The following AGMO variants were observed in gnomAD, a reference collection of about 807,000 sequenced individuals.
The protein encoded by AGMO is glyceryl-ether monooxygenase.
Under a neutral mutation model 60.2 loss-of-function variants are expected in AGMO, and 75 were observed. That is an observed-to-expected ratio of 1.25 (90% confidence interval 1.03 to 1.51). The LOEUF (loss-of-function observed/expected upper bound fraction) is 1.51. Among genes scored for constraint, AGMO ranks in the 40% most tolerant of loss-of-function variants. The pLI, the probability that AGMO is intolerant of heterozygous loss-of-function variation, is 0.00. For synonymous variants in AGMO, 261 were observed against 177.1 expected, an observed-to-expected ratio of 1.47 and a Z score of -3.76; for missense variants, 763 against 525.5, an observed-to-expected ratio of 1.45 and a Z score of -4.42.
intron 12 of AGMO, among the ~76,000 whole-genome samples, chr7:15,232,860 C>G (rs1351263183): frequency 1.3e-5 from 2 of 151,196 alleles, no homozygotes; most frequent in Admixed American, 6.6e-5. Context: ...CTGGTTTAAG[C>G]TATCACAAAA....
chr7:15,163,877 T>C, the AGMO span, among the ~76,000 whole-genome samples: 3 of 152,144 alleles, frequency 2.0e-5, no homozygotes, highest in African/African-American at 7.2e-5. Flanking sequence ...TTTGATTTTC[T>C]GAAATAGTTT....
At chr7:15,377,637 C>A (rs1184079157) in intron 10 of AGMO, among the ~76,000 whole-genome samples, 1 of 151,966 alleles carries the variant, frequency 6.6e-6, no homozygotes, top group Non-Finnish European at 1.5e-5. Flanking sequence ...GAAAAATCAA[C>A]AATGCGAACT....
the AGMO span, among the ~76,000 whole-genome samples, chr7:15,185,670 T>TAGCC: frequency 0.22 from 33,193 of 152,022 alleles, 3,816 homozygotes; most frequent in South Asian, 0.32. Flanking sequence ...AACTTAATCA[T>TAGCC]AGCCTTAGAA....
chr7:15,208,322 A>G (rs1280122893), intron 12 of AGMO, among the ~76,000 whole-genome samples: 1 of 152,238 alleles, frequency 6.6e-6, no homozygotes, highest in Non-Finnish European at 1.5e-5. Context: ...AACACTGACC[A>G]TCATGTTGGC....
At chr7:15,340,780 A>G (rs1212935093) in intron 12 of AGMO, among the ~76,000 whole-genome samples, 2 of 152,142 alleles carry the variant, frequency 1.3e-5, no homozygotes, top group Non-Finnish European at 2.9e-5. Flanking sequence ...CCCTCATGGA[A>G]AACCTCTGCT....
intron 3 of AGMO, among the ~76,000 whole-genome samples, chr7:15,511,274 T>A (rs1332763008): frequency 2.0e-5 from 3 of 152,154 alleles, no homozygotes; most frequent in South Asian, 2.1e-4. Flanking sequence ...AATGAGCACA[T>A]CTTTTATACG....
chr7:15,222,146 CTT>C (rs1319174007), intron 12 of AGMO, among the ~76,000 whole-genome samples: 13 of 152,054 alleles, frequency 8.5e-5, no homozygotes, highest in African/African-American at 3.1e-4. Context: ...TTTTTAGTCA[CTT>C]TATTAAAGCA....
At chr7:15,480,990 C>T (rs1270114210) in intron 3 of AGMO, among the ~76,000 whole-genome samples, 1 of 151,926 alleles carries the variant, frequency 6.6e-6, no homozygotes, top group African/African-American at 2.4e-5. Flanking sequence ...TATGTTTATA[C>T]ACAATTAATG....
At chr7:15,398,268 G>A (rs1399972050) in intron 5 of AGMO, among the ~76,000 whole-genome samples, 1 of 152,164 alleles carries the variant, frequency 6.6e-6, no homozygotes, top group Non-Finnish European at 1.5e-5. Flanking sequence ...TTGGCTGAGT[G>A]CACTATTTTT....
chr7:15,241,052 A>G (rs1238323956), intron 12 of AGMO, among the ~76,000 whole-genome samples: 2 of 152,174 alleles, frequency 1.3e-5, no homozygotes, highest in South Asian at 2.1e-4. Context: ...ATGTTGCCAA[A>G]AGAAGAAATC....
intron 12 of AGMO, among the ~76,000 whole-genome samples, chr7:15,235,573 T>C (rs1361197596): frequency 2.6e-5 from 4 of 152,126 alleles, no homozygotes; most frequent in South Asian, 2.1e-4. Flanking sequence ...GTTTGTATAG[T>C]TATGATCAGA....
chr7:15,434,013 T>C (rs1781328785), intron 3 of AGMO, among the ~76,000 whole-genome samples: 1 of 152,066 alleles, frequency 6.6e-6, no homozygotes, highest in South Asian at 2.1e-4. Context: ...TGTTCGGCTG[T>C]ATGAGTTTTT....
chr7:15,288,504 G>A (rs1195212801), intron 12 of AGMO, among the ~76,000 whole-genome samples: 2 of 151,898 alleles, frequency 1.3e-5, no homozygotes, highest in Non-Finnish European at 1.5e-5. Context: ...TAGGAAAGAT[G>A]AAAGAATCAT....
chr7:15,376,647 G>T (rs1362474830), intron 10 of AGMO, among the ~76,000 whole-genome samples: 2 of 151,906 alleles, frequency 1.3e-5, no homozygotes, highest in African/African-American at 4.8e-5. Flanking sequence ...TGTTTTTTGT[G>T]TGTTTATTAG....
At chr7:15,258,657 C>T (rs1182318867) in intron 12 of AGMO, among the ~76,000 whole-genome samples, 2 of 152,192 alleles carry the variant, frequency 1.3e-5, no homozygotes, top group East Asian at 1.9e-4. Flanking sequence ...ACCTAGGACC[C>T]TCACAGAGTC....
intron 2 of AGMO, among the ~76,000 whole-genome samples, chr7:15,551,475 G>T (rs1355799933): frequency 6.7e-6 from 1 of 148,276 alleles, no homozygotes; most frequent in East Asian, 2.0e-4. Context: ...CAAAGTCTCA[G>T]GATACAAAAT....
At chr7:15,335,194 G>C (rs187764418) in intron 12 of AGMO, among the ~76,000 whole-genome samples, 1 of 152,108 alleles carries the variant, frequency 6.6e-6, no homozygotes, top group East Asian at 1.9e-4. Context: ...GTTTTCAGTG[G>C]GTTAGGATTA....
chr7:15,118,979 A>T, the AGMO span, among the ~76,000 whole-genome samples: 19 of 115,360 alleles, frequency 1.6e-4, no homozygotes, highest in Non-Finnish European at 1.8e-5. Context: ...CACAGAATTA[A>T]GCTATTGGGG....
downstream of AGMO, among the ~76,000 whole-genome samples, chr7:15,198,602 C>G (rs1781196497): frequency 6.6e-6 from 1 of 152,122 alleles, no homozygotes; most frequent in Admixed American, 6.6e-5. Flanking sequence ...TATTATTACT[C>G]AAATCAGTCT....
Sources: gnomAD v4.1 joint callset for allele counts (sites outside exome capture counted in the v4.1 genomes callset) on GRCh38, gnomAD v4.1.1 for gene constraint, MANE v1.5 for transcripts, NCBI Gene and HGNC (gene_info 2026-07-23, HGNC 2026-07-21) for gene names.